The following FAT3 variants were observed in gnomAD, a reference collection of about 807,000 sequenced individuals.
The protein encoded by FAT3 is protocadherin Fat 3.
FAT3 carries 95 observed loss-of-function variants against 310.2 expected under a neutral mutation model. That is an observed-to-expected ratio of 0.31 (90% CI 0.26 to 0.36). The LOEUF (loss-of-function observed/expected upper bound fraction) is 0.36. Ranked by LOEUF, FAT3 falls within the 10% of genes least tolerant of loss-of-function variation. The pLI, the probability that FAT3 is intolerant of heterozygous loss-of-function variation, is 1.00. For missense variants in FAT3, 5,408 were observed against 5,715.6 expected (o/e 0.95, Z 1.74); for synonymous variants, 2,314 against 2,192.9 (o/e 1.06, Z -1.54).
intron 3 of FAT3, among the ~76,000 whole-genome samples, chr11:92,608,156 T>G (rs1940391637): frequency 6.6e-6 from 1 of 152,192 alleles, no homozygotes; most frequent in Non-Finnish European, 1.5e-5. Flanking sequence ...CACATGTATC[T>G]GAAAGAGCTG....
intron 1 of FAT3, among the ~76,000 whole-genome samples, chr11:92,315,500 T>TAGAGAG (rs1211364943): frequency 1.1e-5 from 1 of 92,262 alleles, no homozygotes; most frequent in African/African-American, 4.0e-5. Flanking sequence ...TATATATATA[T>TAGAGAG]ATATATATAT....
intron 1 of FAT3, among the ~76,000 whole-genome samples, chr11:92,238,297 A>G (rs1864520399): frequency 6.6e-6 from 1 of 152,134 alleles, no homozygotes; most frequent in Non-Finnish European, 1.5e-5. Flanking sequence ...TGTGAAACAT[A>G]TTAACTTACT....
chr11:92,529,791 G>A (rs1450998411), intron 3 of FAT3, among the ~76,000 whole-genome samples: 1 of 152,182 alleles, frequency 6.6e-6, no homozygotes, highest in Non-Finnish European at 1.5e-5. Flanking sequence ...TATTTCTGCA[G>A]TTGCTCTGTC....
At position 92,891,140 on chromosome 11, in the gene FAT3, G is replaced by A. The variant is rs765416863; in HGVS notation, c.*27G>A. 2 of 1,603,072 alleles carry A rather than the reference G, an allele frequency of 1.2e-6. No individual in the cohort carries two copies. The highest frequency in any genetic ancestry group is 4.5e-5 in the East Asian group (2 of 44,718). On this transcript the variant is annotated 3_prime_UTR_variant, in exon 28 of 28. Coordinates refer to ENST00000525166, the MANE Select transcript of FAT3 (RefSeq NM_001367949.2). ...CATCACATCTTGGGTACTTCACCCT[G>A]TTTGTTACAGAAAAGTGGAAGCAGA...
chr11:92,264,918 A>G (rs1450499480), intron 1 of FAT3, among the ~76,000 whole-genome samples: 3 of 152,144 alleles, frequency 2.0e-5, no homozygotes, highest in African/African-American at 7.2e-5. Flanking sequence ...CTCCTTGGGT[A>G]AAGAGGATTC....
At chr11:92,729,922 G>T (rs1207145075) in intron 4 of FAT3, among the ~76,000 whole-genome samples, 1 of 152,070 alleles carries the variant, frequency 6.6e-6, no homozygotes, top group African/African-American at 2.4e-5. Flanking sequence ...TCTATGCTCA[G>T]AATCTATGAG....
intron 4 of FAT3, among the ~76,000 whole-genome samples, chr11:92,745,117 G>A (rs1024738618): frequency 2.0e-5 from 3 of 152,196 alleles, no homozygotes; most frequent in Non-Finnish European, 4.4e-5. Flanking sequence ...ATGAGAATCT[G>A]CCAAGACAAA....
At chr11:92,557,082 G>A (rs529377804) in intron 3 of FAT3, among the ~76,000 whole-genome samples, 4 of 151,580 alleles carry the variant, frequency 2.6e-5, no homozygotes, top group South Asian at 4.2e-4. Flanking sequence ...TCTTTCTTTC[G>A]CTATCTATTG....
intron 3 of FAT3, among the ~76,000 whole-genome samples, chr11:92,666,248 G>A (rs1942944825): frequency 1.3e-5 from 2 of 152,038 alleles, no homozygotes; most frequent in Admixed American, 1.3e-4. Context: ...ATATCCATTT[G>A]ATGATTTAAT....
At chr11:92,543,774 A>C (rs2135418270) in intron 3 of FAT3, among the ~76,000 whole-genome samples, 1 of 152,254 alleles carries the variant, frequency 6.6e-6, no homozygotes, top group Non-Finnish European at 1.5e-5. Context: ...TTTGTATATT[A>C]ATTATGGATG....
intron 3 of FAT3, among the ~76,000 whole-genome samples, chr11:92,532,692 C>T (rs1233945464): frequency 6.6e-6 from 1 of 152,180 alleles, no homozygotes; most frequent in Non-Finnish European, 1.5e-5. Context: ...TTTTGAACAG[C>T]CTTCTCCAGA....
At chr11:92,868,369 G>A (rs543990350) in intron 22 of FAT3, among the ~76,000 whole-genome samples, 7 of 152,122 alleles carry the variant, frequency 4.6e-5, no homozygotes, top group East Asian at 3.8e-4. Flanking sequence ...AATTTCTGTC[G>A]TCTCGATTTA....
intron 3 of FAT3, among the ~76,000 whole-genome samples, chr11:92,540,897 T>C (rs1455352185): frequency 1.3e-5 from 2 of 152,140 alleles, no homozygotes; most frequent in African/African-American, 2.4e-5. Flanking sequence ...TGCAATGATT[T>C]CTAGTTTTCT....
intron 1 of FAT3, among the ~76,000 whole-genome samples, chr11:92,265,019 G>GA (rs34617786): frequency 1.3e-5 from 2 of 150,110 alleles, no homozygotes; most frequent in African/African-American, 4.9e-5. Flanking sequence ...CTCAGTAAAG[G>GA]AAAAAAAAGG....
intron 4 of FAT3, among the ~76,000 whole-genome samples, chr11:92,759,936 T>A (rs1410971528): frequency 1.3e-5 from 2 of 152,028 alleles, no homozygotes; most frequent in Middle Eastern, 3.2e-3. Flanking sequence ...TTGAGAGTTG[T>A]CTGAATTTGG....
intron 2 of FAT3, among the ~76,000 whole-genome samples, chr11:92,384,508 C>A (rs542001019): frequency 7.9e-4 from 121 of 152,240 alleles, no homozygotes; most frequent in Non-Finnish European, 1.4e-3. Flanking sequence ...TAAGCAAATT[C>A]CTCCCCCAGC....
At chr11:92,495,706 A>G (rs560776621) in intron 2 of FAT3, among the ~76,000 whole-genome samples, 3 of 152,172 alleles carry the variant, frequency 2.0e-5, no homozygotes, top group South Asian at 2.1e-4. Flanking sequence ...TCAGCTTTAC[A>G]TTGCAGAGAA....
intron 2 of FAT3, among the ~76,000 whole-genome samples, chr11:92,493,680 C>T (rs558200529): frequency 2.0e-5 from 3 of 152,028 alleles, no homozygotes; most frequent in South Asian, 4.1e-4. Context: ...GTGACAGGAG[C>T]TATGAAGAGT....
At chr11:92,397,395 G>A (rs374497081) in intron 2 of FAT3, among the ~76,000 whole-genome samples, 3 of 152,242 alleles carry the variant, frequency 2.0e-5, no homozygotes, top group East Asian at 3.9e-4. Flanking sequence ...TGTCAGCAGC[G>A]CATGGGTCCC....
Sources: allele counts gnomAD v4.1 joint callset (sites outside exome capture counted in the v4.1 genomes callset), GRCh38; gene constraint gnomAD v4.1.1; transcripts MANE v1.5; gene names NCBI Gene and HGNC (gene_info 2026-07-23, HGNC 2026-07-21).